The following HERC6 variants were observed in gnomAD, a reference collection of about 807,000 sequenced individuals.
HERC6 encodes the protein probable E3 ubiquitin-protein ligase HERC6.
HERC6 carries 101 observed loss-of-function variants against 114.5 expected under a neutral mutation model. The ratio of observed to expected loss-of-function variants is 0.88; its 90% confidence interval spans 0.75 to 1.04. HERC6 has a LOEUF of 1.04. Ranked by LOEUF, HERC6 falls within the 50% of genes least tolerant of loss-of-function variation. The pLI is 0.00. For missense variants in HERC6, 1,133 were observed against 1,230.9 expected (o/e 0.92, Z 1.19); for synonymous variants, 408 against 436.2 (o/e 0.94, Z 0.81).
rs548693319 is a variant in HERC6, at chr4:88,403,194, G to A, written c.1093-1682G>A. Among the ~76,000 whole-genome samples the A allele has an allele frequency of 5.3e-5, 8 of 152,216 alleles. No homozygotes were observed. The South Asian group carries it at 1.7e-3, about 32-fold the overall frequency. On this transcript the variant is annotated intron_variant, in intron 8 of 22. Transcript: ENST00000264346. ...TCAAAGTGTGATCTCCAAACCAACA[G>A]CATCAGCATCACTGGAGTATTTTTT...
chr4:88,431,083 G>A (rs1738150831), intron 16 of HERC6, 79 bp from the exon 17 acceptor site: 20 of 1,262,906 alleles, frequency 1.6e-5, no homozygotes, highest in South Asian at 4.2e-5. Flanking sequence ...AAGAATGGTC[G>A]TTAGAGGTTT....
At chr4:88,424,371 T>G (rs925267649) in intron 14 of HERC6, among the ~76,000 whole-genome samples, 1 of 152,020 alleles carries the variant, frequency 6.6e-6, no homozygotes, top group Non-Finnish European at 1.5e-5. Flanking sequence ...TCCCAGCTAC[T>G]CAAGAGGCTG....
intron 6 of HERC6, among the ~76,000 whole-genome samples, 164 bp from the exon 7 acceptor site, chr4:88,396,687 C>G (rs568301119): frequency 1.8e-4 from 27 of 152,348 alleles, no homozygotes; most frequent in South Asian, 1.2e-3. Context: ...TGTTTAGCCA[C>G]ATCCTTTGAT....
chr4:88,381,014 A>G (rs1212143647), intron 1 of HERC6, among the ~76,000 whole-genome samples: 1 of 152,126 alleles, frequency 6.6e-6, no homozygotes, highest in East Asian at 1.9e-4. Context: ...TTTTGAAAAT[A>G]TGTTTTAAAT....
chr4:88,402,041 A>C (rs1243053950), intron 8 of HERC6, among the ~76,000 whole-genome samples: 1 of 152,172 alleles, frequency 6.6e-6, no homozygotes, highest in African/African-American at 2.4e-5. Flanking sequence ...GAACCATGGA[A>C]TCTAAGCTGG....
intron 12 of HERC6, among the ~76,000 whole-genome samples, chr4:88,413,714 C>A (rs1372711373): frequency 6.6e-6 from 1 of 152,026 alleles, no homozygotes; most frequent in Non-Finnish European, 1.5e-5. Context: ...TAGCTTTTAG[C>A]GTATATTGAA....
chr4:88,413,343 T>C (rs1578394374), intron 12 of HERC6, 77 bp downstream of exon 12: 2 of 1,019,222 alleles, frequency 2.0e-6, no homozygotes, highest in East Asian at 2.6e-5. Flanking sequence ...AAATTTTGAA[T>C]AGAAGATTTC....
intron 15 of HERC6, among the ~76,000 whole-genome samples, chr4:88,427,162 A>G (rs1737724755): frequency 6.6e-6 from 1 of 152,254 alleles, no homozygotes; most frequent in African/African-American, 2.4e-5. Context: ...CTGCTCTCCA[A>G]AGGAGAGATA....
chr4:88,438,259 C>T (rs1205681329), intron 20 of HERC6, among the ~76,000 whole-genome samples: 1 of 151,624 alleles, frequency 6.6e-6, no homozygotes, highest in Non-Finnish European at 1.5e-5. Context: ...TCCTTTGTAG[C>T]TCTTTTTACT....
intron 8 of HERC6, among the ~76,000 whole-genome samples, chr4:88,401,817 A>C (rs1282276840): frequency 6.6e-6 from 1 of 152,212 alleles, no homozygotes; most frequent in Admixed American, 6.5e-5. Flanking sequence ...TAGCCTTGGA[A>C]TCCATTAGAC....
In HERC6 at chr4:88,440,042, G is replaced by C; in HGVS notation, c.2724G>C (p.Trp908Cys). 1 of 1,610,232 alleles carries C rather than the reference G, an allele frequency of 6.2e-7. No individual in the cohort carries two copies. The highest frequency in any genetic ancestry group is 8.5e-7 in the Non-Finnish European group (1 of 1,178,894). Residue 908 changes from tryptophan to cysteine, a missense_variant, in exon 21 of 23, where the codon TGG (tryptophan) becomes TGC (cysteine). Physicochemically the swap from Trp to Cys is radical, Grantham distance 215 (BLOSUM62 -2). Around this residue, in one of 3 missense-constraint regions of HERC6, gnomAD observed 388 missense variants for 445.9 expected, o/e 0.87. Coordinates refer to ENST00000264346, the MANE Select transcript of HERC6 (RefSeq NM_017912.4). ...TCATTGGAAATACTGATTATGACTG[G>C]AAACAGTTTGAACAGGTAGGTGATA... ...TAIIGNTDYD[W>C]KQFEQNSKYE...
At chr4:88,394,651 TCTC>T (rs1735125831) in intron 5 of HERC6, among the ~76,000 whole-genome samples, 1 of 150,832 alleles carries the variant, frequency 6.6e-6, no homozygotes, top group South Asian at 2.1e-4. Context: ...TTCAAGCAAT[TCTC>T]CTGCCTCAGC....
At chr4:88,382,460 G>T (rs1578365313) in intron 1 of HERC6, among the ~76,000 whole-genome samples, 3 of 152,198 alleles carry the variant, frequency 2.0e-5, no homozygotes, top group Admixed American at 2.0e-4. Context: ...CAGTGTTTAG[G>T]GTGGGAAGAC....
At position 88,417,501 on chromosome 4, in the gene HERC6, G is replaced by A. The variant is rs1255588739; in HGVS notation, c.1635G>A (p.Gln545=). Residue 545 remains glutamine (Q), a synonymous_variant, in exon 13 of 23, where the codon CAG becomes CAA. Coordinates refer to ENST00000264346, the MANE Select transcript of HERC6 (RefSeq NM_017912.4). ...TGCTTAAAGCAGCCATCATCTCTCA[G>A]CTGCTTCATCAGACTAAAACCGAAC... The part of the protein sequence containing the change: ...IQMLKAAIIS[Q]LLHQTKTEQD... The A allele has an allele frequency of 6.2e-7, 1 of 1,612,214 alleles. No homozygotes were observed. Among genetic ancestry groups the A allele is most frequent in the Non-Finnish European group, 8.5e-7 (1 of 1,179,250 alleles).
Position 88,408,413 on chromosome 4 carries a change from T to A in HERC6, c.1275-111T>A, listed in dbSNP as rs568346502. 3 of 712,680 alleles carry A rather than the reference T, an allele frequency of 4.2e-6. No homozygotes were observed. In the Middle Eastern group the frequency reaches 1.1e-3, roughly 266 times the overall value. 44.1% of individuals were successfully genotyped at this position (712,680 alleles called of 1,614,324 possible). On this transcript the variant is annotated intron_variant, in intron 10 of 22. Transcript: ENST00000264346. ...GATTATTTTGAAAGGAGGTAAGCTTTAAGAAAAAGGTTTGTATCTTATATG... is the reference window on the plus strand; with the variant it reads ...GATTATTTTGAAAGGAGGTAAGCTTAAAGAAAAAGGTTTGTATCTTATATG...
chr4:88,388,061 T>C (rs577031949), intron 3 of HERC6, among the ~76,000 whole-genome samples: 1 of 152,344 alleles, frequency 6.6e-6, no homozygotes, highest in South Asian at 2.1e-4. Flanking sequence ...AAAGATGTAA[T>C]AACTTATTAA....
Position 88,406,814 on chromosome 4 carries a change from A to G in HERC6, c.1274+1201A>G, listed in dbSNP as rs542649495. 3.4e-5 allele frequency among the ~76,000 whole-genome samples: 5 copies of G among 149,076 alleles called. No homozygotes were observed. In the East Asian group the frequency reaches 8.1e-4, roughly 24 times the overall value. ...CACTCTGTCACCCAGGCCGGAGTGC[A>G]GTAGTGCAGCTCGGCTCACTGCAAC... is the stretch of plus-strand genomic sequence containing the variant. On this transcript the variant is annotated intron_variant, in intron 10 of 22. Transcript: ENST00000264346.
rs1053058391 is a variant in HERC6, at chr4:88,440,010, A to G, written c.2692A>G (p.Thr898Ala). The stretch of plus-strand genomic sequence containing the variant: ...ACATTTCTACCCTGAAGAACTAATG[A>G]CAGCAATCATTGGAAATACTGATTA... ...LRHFYPEELM[T>A]AIIGNTDYDW... The change falls in exon 21 of 23, where the codon ACA becomes GCA. Residue 898 changes from threonine (T) to alanine (A), a missense_variant. Thr to Ala is a moderately conservative substitution (Grantham distance 58). This residue lies in a region of HERC6 where 388 missense variants were observed against 445.9 expected (regional missense o/e 0.87). Transcript: ENST00000264346. The G allele has an allele frequency of 1.9e-6, 3 of 1,611,288 alleles. No individual in the cohort carries two copies. The highest frequency in any genetic ancestry group is 2.5e-6 in the Non-Finnish European group (3 of 1,179,242).
intron 4 of HERC6, among the ~76,000 whole-genome samples, chr4:88,392,874 A>C (rs898779923): frequency 6.6e-6 from 1 of 152,148 alleles, no homozygotes; most frequent in Non-Finnish European, 1.5e-5. Context: ...CCTTGTAACC[A>C]ATGAACTTGT....
Sources: allele counts gnomAD v4.1 joint callset (sites outside exome capture counted in the v4.1 genomes callset), GRCh38; gene constraint gnomAD v4.1.1; regional missense constraint gnomAD v4.1.1; transcripts MANE v1.5; gene names NCBI Gene and HGNC (gene_info 2026-07-23, HGNC 2026-07-21).